The following FGD4 variants were observed in gnomAD, a reference collection of about 807,000 sequenced individuals.
FGD4 encodes the protein FYVE, RhoGEF and PH domain containing 4, also known as FYVE, RhoGEF and PH domain-containing protein 4.
A neutral mutation model predicts 102.0 loss-of-function variants in FGD4; 42 were observed. The ratio of observed to expected loss-of-function variants is 0.41; its 90% CI spans 0.32 to 0.53. The LOEUF (loss-of-function observed/expected upper bound fraction) is 0.53. FGD4 is among the 20% of genes least tolerant of loss of function. The pLI is 0.21. For synonymous variants in FGD4, 380 were observed against 375.7 expected (o/e 1.01, Z -0.13); for missense variants, 902 against 1,078.2 (o/e 0.84, Z 2.29).
rs1287793184 is a variant in FGD4, at chr12:32,640,546, C to G, written c.*13C>G. On this transcript the variant is annotated 3_prime_UTR_variant, in exon 17 of 17. Coordinates refer to ENST00000534526, the MANE Select transcript of FGD4 (RefSeq NM_001370298.3). ...ATCAGAATGCTGAACTCCTCCAGGA[C>G]CAGCCATGGTGTGGAGGTCTCAGGA... is the stretch of plus-strand genomic sequence containing the variant. 2 of 1,613,226 alleles carry G rather than the reference C, an allele frequency of 1.2e-6. No homozygotes were observed. The highest frequency in any genetic ancestry group is 2.7e-5 in the African/African-American group (2 of 74,906).
chr12:32,526,517 G>T (rs559606594), intron 1 of FGD4, among the ~76,000 whole-genome samples: 1 of 152,074 alleles, frequency 6.6e-6, no homozygotes, highest in Admixed American at 6.6e-5. Context: ...GATTGTAAAC[G>T]CACCAATCAG....
chr12:32,453,237 A>ATATATATTT (rs768366013), intron 1 of FGD4, among the ~76,000 whole-genome samples: 1 of 90,548 alleles, frequency 1.1e-5, no homozygotes, highest in African/African-American at 4.7e-5. Context: ...ATATATATAT[A>ATATATATTT]TTTTTTTTTT....
intron 11 of FGD4, among the ~76,000 whole-genome samples, chr12:32,622,080 G>A (rs1424160090): frequency 6.6e-6 from 1 of 152,120 alleles, no homozygotes; most frequent in East Asian, 1.9e-4. Flanking sequence ...TGTAGATGGG[G>A]TTTCGCCATT....
chr12:32,473,135 G>A (rs1196194832), intron 1 of FGD4, among the ~76,000 whole-genome samples: 1 of 151,802 alleles, frequency 6.6e-6, no homozygotes, highest in Non-Finnish European at 1.5e-5. Flanking sequence ...GATTGTAAAC[G>A]CACCAATCAG....
intron 1 of FGD4, among the ~76,000 whole-genome samples, chr12:32,409,476 A>G (rs1270971371): frequency 1.3e-5 from 2 of 151,632 alleles, no homozygotes; most frequent in Non-Finnish European, 2.9e-5. Flanking sequence ...TTTAGTAGAG[A>G]CGGGGTTTCA....
intron 1 of FGD4, among the ~76,000 whole-genome samples, chr12:32,401,716 C>G (rs1048375828): frequency 7.1e-6 from 1 of 140,938 alleles, no homozygotes; most frequent in African/African-American, 2.7e-5. Context: ...TGCTTTTTCT[C>G]TTTTCCATTC....
At chr12:32,559,042 C>T (rs1007390356) in intron 1 of FGD4, among the ~76,000 whole-genome samples, 4 of 152,172 alleles carry the variant, frequency 2.6e-5, no homozygotes, top group Non-Finnish European at 5.9e-5. Flanking sequence ...TAAATCAGCC[C>T]TACTGGTTCT....
intron 1 of FGD4, among the ~76,000 whole-genome samples, chr12:32,485,136 G>C (rs990590628): frequency 4.6e-5 from 7 of 152,022 alleles, no homozygotes; most frequent in African/African-American, 1.7e-4. Flanking sequence ...CTAATTTCTG[G>C]CCTCAAACAT....
intron 16 of FGD4, 39 bp downstream of exon 16, chr12:32,638,834 T>C: frequency 1.9e-6 from 3 of 1,613,386 alleles, no homozygotes; most frequent in Non-Finnish European, 2.5e-6. Flanking sequence ...CAGATGCCCT[T>C]GGGGGCAAGG....
chr12:32,440,931 C>G (rs1472201982), intron 1 of FGD4, among the ~76,000 whole-genome samples: 1 of 152,204 alleles, frequency 6.6e-6, no homozygotes, highest in Non-Finnish European at 1.5e-5. Flanking sequence ...GCCACTGCCA[C>G]CCCTTGCCAC....
At chr12:32,578,509 T>G (rs1946316493) in intron 3 of FGD4, among the ~76,000 whole-genome samples, 1 of 152,148 alleles carries the variant, frequency 6.6e-6, no homozygotes, top group Admixed American at 6.5e-5. Context: ...TGGAGTCTGG[T>G]CAGAATGGTC....
At chr12:32,406,185 G>T (rs4931623) in intron 1 of FGD4, among the ~76,000 whole-genome samples, 29,028 of 151,534 alleles carry the variant, frequency 0.19, 3,180 homozygotes, top group East Asian at 0.29. Flanking sequence ...CAGGTGATCC[G>T]CCCGCCTCAG....
At chr12:32,637,983 C>G (rs573307936) in intron 15 of FGD4, 8 of 152,822 alleles carry the variant, frequency 5.2e-5, no homozygotes, top group African/African-American at 1.7e-4. Flanking sequence ...ATTAGGTGTA[C>G]TCAAACAAAG....
intron 7 of FGD4, among the ~76,000 whole-genome samples, chr12:32,604,645 T>C (rs1948647956): frequency 6.6e-6 from 1 of 152,182 alleles, no homozygotes; most frequent in Non-Finnish European, 1.5e-5. Flanking sequence ...CTTCTACTGA[T>C]GTTGTTGGGT....
At chr12:32,486,033 G>C in intron 1 of FGD4, 1 of 1,475,168 alleles carries the variant, frequency 6.8e-7, no homozygotes, top group Non-Finnish European at 8.9e-7. Flanking sequence ...AATACAGAAT[G>C]CCTATAGTTT....
chr12:32,632,689 T>TTATTTATTTA (rs1555223360), intron 14 of FGD4, among the ~76,000 whole-genome samples: 2 of 146,488 alleles, frequency 1.4e-5, no homozygotes, highest in Admixed American at 6.9e-5. Context: ...TTATTTTTAT[T>TTATTTATTTA]TTTATTTATT....
At chr12:32,578,884 A>C (rs976748321) in intron 3 of FGD4, among the ~76,000 whole-genome samples, 1 of 151,486 alleles carries the variant, frequency 6.6e-6, no homozygotes. Context: ...ATTTGGAGCA[A>C]GTAGATTTTC....
At position 32,399,977 on chromosome 12, in the gene FGD4, C is replaced by T; in HGVS notation, c.166+18C>T. The T allele has an allele frequency of 6.9e-7, 1 of 1,444,204 alleles. No homozygotes were observed. Among genetic ancestry groups the T allele is most frequent in the Non-Finnish European group, 9.0e-7 (1 of 1,105,038 alleles). 89.5% of individuals were successfully genotyped at this position (1,444,204 alleles called of 1,614,324 possible). A position where few individuals can be genotyped will look rare whatever the true frequency, so the allele number is the denominator to read the frequency against. ...AGCCACAGGTAAGCGCCTCGGGGCGCGGGGGAAGGGTGGCCCCGGCGCGTA... is the reference window on the plus strand; with the variant it reads ...AGCCACAGGTAAGCGCCTCGGGGCGTGGGGGAAGGGTGGCCCCGGCGCGTA... On this transcript the variant is annotated intron_variant, in intron 1 of 16. Transcript: ENST00000534526.
At chr12:32,513,623 T>C (rs1939607788) in intron 1 of FGD4, among the ~76,000 whole-genome samples, 1 of 152,096 alleles carries the variant, frequency 6.6e-6, no homozygotes, top group African/African-American at 2.4e-5. Context: ...GGCACAAGGA[T>C]GTACAAGAGA....
Sources: gnomAD v4.1 joint callset for allele counts (sites outside exome capture counted in the v4.1 genomes callset) on GRCh38, gnomAD v4.1.1 for gene constraint, MANE v1.5 for transcripts, NCBI Gene and HGNC (gene_info 2026-07-23, HGNC 2026-07-21) for gene names.